The following WASF2 variants were observed in gnomAD, a reference collection of about 807,000 sequenced individuals.
The protein encoded by WASF2 is WASP family member 2, also known as actin-binding protein WASF2.
In WASF2, 14 loss-of-function variants were observed where a neutral mutation model predicts 45.0. The observed-to-expected ratio is 0.31, with a 90% CI of 0.21 to 0.49. WASF2 has a LOEUF of 0.49. Ranked by LOEUF, WASF2 falls within the 20% of genes least tolerant of loss-of-function variation. WASF2 has a pLI of 0.99. For synonymous variants in WASF2, 200 were observed against 236.3 expected (o/e 0.85, Z 1.41); for missense variants, 439 against 636.1 (o/e 0.69, Z 3.33).
intron 1 of WASF2, among the ~76,000 whole-genome samples, chr1:27,441,070 G>C (rs1356128681): frequency 6.6e-6 from 1 of 151,388 alleles, no homozygotes; most frequent in Admixed American, 6.6e-5. Flanking sequence ...GTTTCACCAT[G>C]TTGCCTAGGG....
chr1:27,434,496 T>C lies in WASF2; in HGVS notation c.-43-5563A>G, dbSNP rs796628883. The stretch of plus-strand genomic sequence containing the variant: ...CAATCAGAGGCACATTTAGGGACTG[T>C]AGAGAGGGGCAGATTATAGCCATGA... On this transcript the variant is annotated intron_variant, in intron 1 of 8. Transcript: ENST00000618852. 2.0e-5 allele frequency among the ~76,000 whole-genome samples: 3 copies of C among 152,084 alleles called. No individual in the cohort carries two copies. The South Asian group carries it at 6.2e-4, about 32-fold the overall frequency.
At chr1:27,472,577 T>C (rs181904191) in intron 1 of WASF2, among the ~76,000 whole-genome samples, 1 of 140,124 alleles carries the variant, frequency 7.1e-6, no homozygotes, top group African/African-American at 2.8e-5. Context: ...GAGGTTGCAG[T>C]GAGCTGAGAT....
chr1:27,466,642 A>T (rs1167789150), intron 1 of WASF2, among the ~76,000 whole-genome samples: 1 of 152,198 alleles, frequency 6.6e-6, no homozygotes, highest in East Asian at 1.9e-4. Context: ...CTGAGGTGAG[A>T]GGATGGCTTG....
At chr1:27,411,632 G>A (rs2016761302) in intron 7 of WASF2, among the ~76,000 whole-genome samples, 1 of 152,204 alleles carries the variant, frequency 6.6e-6, no homozygotes. Flanking sequence ...GGGAGGCCGA[G>A]GTGGGCGGAT....
chr1:27,464,443 C>G (rs1166026203), intron 1 of WASF2, among the ~76,000 whole-genome samples: 1 of 151,974 alleles, frequency 6.6e-6, no homozygotes, highest in Non-Finnish European at 1.5e-5. Context: ...GATTAATTAG[C>G]TGATATGAAT....
intron 1 of WASF2, among the ~76,000 whole-genome samples, chr1:27,474,174 G>A (rs74592538): frequency 0.045 from 6,856 of 152,234 alleles, 671 homozygotes; most frequent in East Asian, 0.37. Flanking sequence ...TAATGGCCAT[G>A]AGTTGATACT....
intron 1 of WASF2, among the ~76,000 whole-genome samples, chr1:27,445,762 T>C (rs1249055615): frequency 1.3e-5 from 2 of 152,124 alleles, no homozygotes. Context: ...TCTGACGGGT[T>C]ACTTTTATCT....
intron 2 of WASF2, among the ~76,000 whole-genome samples, chr1:27,425,972 C>A (rs937952456): frequency 6.6e-6 from 1 of 151,828 alleles, no homozygotes; most frequent in Non-Finnish European, 1.5e-5. Flanking sequence ...CCCGAGATCT[C>A]GCCATTGCAC....
At chr1:27,437,607 A>G (rs2017154203) in intron 1 of WASF2, among the ~76,000 whole-genome samples, 1 of 152,220 alleles carries the variant, frequency 6.6e-6, no homozygotes, top group Admixed American at 6.5e-5. Flanking sequence ...AGTTACAGAC[A>G]AAGTTCATTT....
intron 1 of WASF2, among the ~76,000 whole-genome samples, chr1:27,469,470 C>A (rs1461348660): frequency 2.0e-5 from 3 of 152,052 alleles, no homozygotes; most frequent in African/African-American, 7.2e-5. Context: ...TCTAGTGTAC[C>A]GCCTCCAGGA....
Position 27,428,722 on chromosome 1 carries a change from A to G in WASF2, c.130+39T>C, listed in dbSNP as rs1478057355. The G allele has an allele frequency of 6.8e-6, 11 of 1,613,674 alleles. No individual in the cohort carries two copies. The South Asian group carries it at 1.2e-4, about 18-fold the overall frequency. On this transcript the variant is annotated intron_variant, in intron 2 of 8. Transcript: ENST00000618852. ...GGAAACTAAATAAAGAGCACCAACG[A>G]CCCCTGAGGGCAAAGCACAGGCTCT...
rs775615012 is a variant in WASF2, at chr1:27,418,221, C to T, written c.419+48G>A. ...CCGCTTCAGACAAAAAAAAATCTAGCGTTATTAAACCATAGGTTGAAAAAG... is the reference window on the plus strand; with the variant it reads ...CCGCTTCAGACAAAAAAAAATCTAGTGTTATTAAACCATAGGTTGAAAAAG... On this transcript the variant is annotated intron_variant, in intron 4 of 8. Coordinates refer to ENST00000618852, the MANE Select transcript of WASF2 (RefSeq NM_006990.5). 9.0e-6 allele frequency: 14 copies of T among 1,560,786 alleles called. No homozygotes were observed. In the East Asian group the frequency reaches 2.1e-4, roughly 23 times the overall value.
rs200541363 is a variant in WASF2, at chr1:27,409,849, G to A, written c.1182C>T (p.Pro394=). 9.0e-6 allele frequency: 14 copies of A among 1,547,314 alleles called. No homozygotes were observed. Among genetic ancestry groups the A allele is most frequent in the Admixed American group, 1.9e-5 (1 of 53,624 alleles). Residue 394 remains proline, a synonymous_variant, in exon 8 of 9, where the codon CCC becomes CCT. Transcript: ENST00000618852. ...GGGGCCCCGGAGGAGGAGGAGGAGG[G>A]GGAGGAGGAGGTGCTCCTCCTGTTG... ...SQPTGGAPPP[P]PPPPPPGPPP...
chr1:27,450,547 C>G (rs973315207), intron 1 of WASF2, among the ~76,000 whole-genome samples: 2 of 152,130 alleles, frequency 1.3e-5, no homozygotes, highest in African/African-American at 4.8e-5. Flanking sequence ...GTTGCCCAGG[C>G]TGGAGTGCAA....
chr1:27,447,151 T>C (rs2017321852), intron 1 of WASF2, among the ~76,000 whole-genome samples: 1 of 152,066 alleles, frequency 6.6e-6, no homozygotes, highest in Non-Finnish European at 1.5e-5. Context: ...AATCTATTAA[T>C]GAGTATTATT....
chr1:27,422,542 C>T (rs1333715712), intron 2 of WASF2, among the ~76,000 whole-genome samples: 1 of 150,282 alleles, frequency 6.7e-6, no homozygotes, highest in Non-Finnish European at 1.5e-5. Flanking sequence ...TTGCATGAAC[C>T]CAGGAGGCGG....
At chr1:27,451,363 G>A (rs2017381024) in intron 1 of WASF2, among the ~76,000 whole-genome samples, 1 of 152,182 alleles carries the variant, frequency 6.6e-6, no homozygotes, top group South Asian at 2.1e-4. Context: ...AGAACTTCCA[G>A]GTGGAGGGAG....
At chr1:27,442,018 A>C (rs1229177633) in intron 1 of WASF2, among the ~76,000 whole-genome samples, 1 of 151,078 alleles carries the variant, frequency 6.6e-6, no homozygotes, top group Non-Finnish European at 1.5e-5. Flanking sequence ...AGGCAAGAGG[A>C]TCCTTTAAGC....
At chr1:27,418,552 T>C (rs536806400) in intron 3 of WASF2, 130 bp from the exon 4 acceptor site, 50 of 1,268,920 alleles carry the variant, frequency 3.9e-5, no homozygotes, top group Admixed American at 1.2e-4. Context: ...GCTTTTTTTT[T>C]CCCTCCCCCT....
Sources: allele counts gnomAD v4.1 joint callset (sites outside exome capture counted in the v4.1 genomes callset), GRCh38; gene constraint gnomAD v4.1.1; transcripts MANE v1.5; gene names NCBI Gene and HGNC (gene_info 2026-07-23, HGNC 2026-07-21).